NWD2: variants seen among roughly 807,000 people sequenced by gnomAD.
NWD2 encodes the protein NACHT and WD repeat domain containing 2, also known as NACHT and WD repeat domain-containing protein 2.
In NWD2, 37 loss-of-function variants were observed where a neutral mutation model predicts 132.7. That is an observed-to-expected ratio of 0.28 (90% CI 0.21 to 0.37). NWD2 has a LOEUF of 0.37. Among genes scored for constraint, NWD2 ranks in the 10% least tolerant of loss-of-function variants. The pLI, the probability that NWD2 is intolerant of heterozygous loss-of-function variation, is 1.00. For synonymous variants in NWD2, 705 were observed against 803.0 expected (o/e 0.88, Z 2.06); for missense variants, 1,592 against 2,122.4 (o/e 0.75, Z 4.91).
chr4:37,444,916 C>T lies in NWD2; in HGVS notation c.2928C>T (p.Thr976=). ...SHLHVTEILP[T]CNPSTVLTAL... ...TGCATGTCACAGAGATCCTGCCTACCTGTAACCCCAGCACTGTCCTCACAG... is the reference window on the plus strand; with the variant it reads ...TGCATGTCACAGAGATCCTGCCTACTTGTAACCCCAGCACTGTCCTCACAG... The change falls in exon 7 of 7, where the codon ACC becomes ACT. Residue 976 remains threonine (T), a synonymous_variant. Coordinates refer to ENST00000309447, the MANE Select transcript of NWD2 (RefSeq NM_001144990.2). The surrounding 1 kb of genome is among the most constrained non-coding windows in gnomAD (Gnocchi z 4.8). 2 of 1,552,340 alleles carry T rather than the reference C, an allele frequency of 1.3e-6. No homozygotes were observed. The highest frequency in any genetic ancestry group is 8.7e-7 in the Non-Finnish European group (1 of 1,147,146).
intron 1 of NWD2, among the ~76,000 whole-genome samples, chr4:37,286,647 T>G (rs1422157150): frequency 6.6e-6 from 1 of 152,180 alleles, no homozygotes; most frequent in African/African-American, 2.4e-5. Context: ...TTGTGTGCAC[T>G]TGAGCAAGTT....
intron 3 of NWD2, among the ~76,000 whole-genome samples, chr4:37,374,874 T>G (rs1720312619): frequency 6.6e-6 from 1 of 152,248 alleles, no homozygotes; most frequent in Admixed American, 6.5e-5. Flanking sequence ...AAATACTCTG[T>G]AAAACTCTGT....
chr4:37,251,339 T>C (rs1717355613), intron 1 of NWD2, among the ~76,000 whole-genome samples: 1 of 152,238 alleles, frequency 6.6e-6, no homozygotes, highest in Non-Finnish European at 1.5e-5. Flanking sequence ...ACCACTGTTA[T>C]ATACGTGGTT....
chr4:37,411,677 A>G (rs1014869558), intron 3 of NWD2, among the ~76,000 whole-genome samples: 1 of 152,182 alleles, frequency 6.6e-6, no homozygotes, highest in African/African-American at 2.4e-5. Context: ...CAGAGACACA[A>G]CAAAAAAAGA....
chr4:37,285,489 C>T (rs567585062), intron 1 of NWD2, among the ~76,000 whole-genome samples: 1 of 152,050 alleles, frequency 6.6e-6, no homozygotes, highest in East Asian at 1.9e-4. Flanking sequence ...GACAATAGGG[C>T]AGTCCTCGTT....
chr4:37,416,887 C>T (rs892799226), intron 3 of NWD2, among the ~76,000 whole-genome samples: 7 of 151,014 alleles, frequency 4.6e-5, no homozygotes, highest in Admixed American at 4.6e-4. Flanking sequence ...TAAGTGGGAG[C>T]TAAGTTATGA....
Position 37,430,653 on chromosome 4 carries a change from G to T in NWD2, c.439G>T (p.Ala147Ser), listed in dbSNP as rs759392547. 1 of 1,551,370 alleles carries T rather than the reference G, an allele frequency of 6.4e-7. No individual in the cohort carries two copies. The highest frequency in any genetic ancestry group is 2.0e-5 in the Admixed American group (1 of 50,966). ...AGAGTTTGAAATGATTTTGGATGCCGCCATAGAGGCAAAGCTGGAGACCAA... is the reference window on the plus strand; with the variant it reads ...AGAGTTTGAAATGATTTTGGATGCCTCCATAGAGGCAAAGCTGGAGACCAA... Reference protein sequence around the residue: ...ASEFEMILDAAIEAKLETKLL... With the variant: ...ASEFEMILDASIEAKLETKLL... Residue 147 changes from alanine (A) to serine (S), a missense_variant, in exon 4 of 7, where the codon GCC (alanine) becomes TCC (serine). Physicochemically the swap from Ala to Ser is moderately conservative, Grantham distance 99. Coordinates refer to ENST00000309447, the MANE Select transcript of NWD2 (RefSeq NM_001144990.2).
chr4:37,343,954 A>T (rs531375944), intron 2 of NWD2, among the ~76,000 whole-genome samples: 5 of 152,310 alleles, frequency 3.3e-5, no homozygotes, highest in Non-Finnish European at 7.4e-5. Flanking sequence ...AGCATGATAA[A>T]TTAGCTTCCC....
intron 3 of NWD2, among the ~76,000 whole-genome samples, chr4:37,428,058 A>G (rs536094554): frequency 6.6e-6 from 1 of 152,354 alleles, no homozygotes; most frequent in South Asian, 2.1e-4. Flanking sequence ...AATCATTTCT[A>G]TGAGCTAGGA....
chr4:37,353,435 T>C (rs762173344), intron 2 of NWD2, among the ~76,000 whole-genome samples: 1 of 152,206 alleles, frequency 6.6e-6, no homozygotes, highest in Non-Finnish European at 1.5e-5. Context: ...TCCTAAAGGG[T>C]GTTTTCCAAC....
chr4:37,388,654 CAT>C (rs1491508430), intron 3 of NWD2, among the ~76,000 whole-genome samples: 6 of 145,014 alleles, frequency 4.1e-5, no homozygotes, highest in Admixed American at 1.4e-4. Context: ...ATATATATAT[CAT>C]ATATATCATA....
At chr4:37,312,587 T>G (rs963002669) in intron 1 of NWD2, among the ~76,000 whole-genome samples, 1 of 150,978 alleles carries the variant, frequency 6.6e-6, no homozygotes, top group Non-Finnish European at 1.5e-5. Flanking sequence ...AGGGACAATT[T>G]GACTTCCTCT....
intron 1 of NWD2, among the ~76,000 whole-genome samples, chr4:37,253,946 G>A (rs2109256305): frequency 6.6e-6 from 1 of 152,188 alleles, no homozygotes. Context: ...AACTAACACA[G>A]TAACAGAAAA....
chr4:37,325,663 CATCAAGA>C (rs1719154497), intron 1 of NWD2, among the ~76,000 whole-genome samples: 1 of 152,100 alleles, frequency 6.6e-6, no homozygotes, highest in Non-Finnish European at 1.5e-5. Flanking sequence ...TCTATGTAGG[CATCAAGA>C]ATCAACTGTA....
intron 3 of NWD2, among the ~76,000 whole-genome samples, chr4:37,357,112 A>G (rs1386403135): frequency 6.6e-6 from 1 of 151,902 alleles, no homozygotes; most frequent in East Asian, 1.9e-4. Flanking sequence ...TAAATAGGTC[A>G]TTCTATGGCA....
In NWD2 at chr4:37,439,378, A is replaced by G; in HGVS notation, c.1284A>G (p.Glu428=). The change falls in exon 6 of 7, where the codon GAA becomes GAG. Residue 428 remains glutamate (E), a synonymous_variant. Coordinates refer to ENST00000309447, the MANE Select transcript of NWD2 (RefSeq NM_001144990.2). This position sits in a 1 kb window ranked among gnomAD's most constrained non-coding sequence, Gnocchi z 4.5. ...PCTGKTLLLA[E]VAKKAYGWLH... ...CTGGGAAGACCCTTCTGCTAGCTGA[A>G]GTAGCAAAGAAGGTAAAAGCCTATT... 6.8e-7 allele frequency: 1 copy of G among 1,465,768 alleles called. No homozygotes were observed. 90.8% of individuals were successfully genotyped at this position (1,465,768 alleles called of 1,614,324 possible).
At chr4:37,333,018 A>G (rs76371036) in intron 2 of NWD2, among the ~76,000 whole-genome samples, 3,904 of 152,124 alleles carry the variant, frequency 0.026, 99 homozygotes, top group East Asian at 0.084. Flanking sequence ...TGAAAAAGGG[A>G]GGGAAGAGTG....
chr4:37,428,501 T>G (rs1269681614), intron 3 of NWD2, among the ~76,000 whole-genome samples: 1 of 152,218 alleles, frequency 6.6e-6, no homozygotes, highest in Non-Finnish European at 1.5e-5. Context: ...GCTAATAGTT[T>G]TATTAGCTTA....
intron 3 of NWD2, among the ~76,000 whole-genome samples, chr4:37,396,657 G>A (rs770716271): frequency 2.0e-5 from 3 of 152,198 alleles, no homozygotes; most frequent in African/African-American, 7.2e-5. Context: ...CAGTCAGGGA[G>A]TCAAATGTGA....
Sources: gnomAD v4.1 joint callset for allele counts (sites outside exome capture counted in the v4.1 genomes callset) on GRCh38, gnomAD v4.1.1 for gene constraint, Gnocchi (gnomAD v3.1) non-coding constraint, MANE v1.5 for transcripts, NCBI Gene and HGNC (gene_info 2026-07-23, HGNC 2026-07-21) for gene names.